USP40: variants seen among roughly 807,000 people sequenced by gnomAD.
USP40 encodes the protein ubiquitin carboxyl-terminal hydrolase 40.
In USP40, 143 loss-of-function variants were observed where a neutral mutation model predicts 166.2. The observed-to-expected ratio is 0.86, with a 90% CI of 0.75 to 0.99. The LOEUF (loss-of-function observed/expected upper bound fraction) is 0.99. Among genes scored for constraint, USP40 ranks in the 50% least tolerant of loss-of-function variants. USP40 has a pLI of 0.00. For missense variants in USP40, 1,444 were observed against 1,479.7 expected, an observed-to-expected ratio of 0.98 and a Z score of 0.40; for synonymous variants, 498 against 524.0, an observed-to-expected ratio of 0.95 and a Z score of 0.68.
intron 20 of USP40, among the ~76,000 whole-genome samples, chr2:233,511,284 T>A (rs1046838155): frequency 6.2e-4 from 94 of 152,178 alleles, no homozygotes; most frequent in African/African-American, 2.2e-3. Flanking sequence ...ATTAATAAAC[T>A]GTGTTTCATT....
intron 21 of USP40, 48 bp from the exon 22 acceptor site, chr2:233,499,963 C>T (rs1442317453): frequency 1.3e-6 from 2 of 1,573,016 alleles, no homozygotes; most frequent in South Asian, 2.3e-5. Context: ...TTCTGAGTTA[C>T]AGTTCTAGGA....
At chr2:233,566,597 G>T in intron 1 of USP40, 87 bp downstream of exon 1, 1 of 791,616 alleles carries the variant, frequency 1.3e-6, no homozygotes, top group Non-Finnish European at 1.5e-6. Context: ...GCAGCCTCTC[G>T]CCTCGCCCTC....
intron 4 of USP40, among the ~76,000 whole-genome samples, chr2:233,557,456 A>G (rs1465330566): frequency 6.6e-6 from 1 of 152,274 alleles, no homozygotes; most frequent in Non-Finnish European, 1.5e-5. Flanking sequence ...ACTGCTTTGA[A>G]GTAAAAACAA....
rs1156287403 is a variant in USP40 at position 233,476,740 on chromosome 2, C to T, written c.*652G>A. The stretch of plus-strand genomic sequence containing the variant: ...GGCTGACGTGCAGCGGCTGCCCTTG[C>T]TTAGCAGAGCGACTCACCCTCGGAG... On this transcript the variant is annotated 3_prime_UTR_variant, in exon 32 of 32. Coordinates refer to ENST00000678225, the MANE Select transcript of USP40 (RefSeq NM_001365479.2). 2 of 157,372 alleles carry T rather than the reference C, an allele frequency of 1.3e-5. No homozygotes were observed. The highest frequency in any genetic ancestry group is 2.8e-5 in the Non-Finnish European group (2 of 70,870). The allele number at this position is 157,372 out of a possible 1,614,324, so 9.7% of individuals were successfully genotyped here. A position where few individuals can be genotyped will look rare whatever the true frequency, so the allele number is the denominator to read the frequency against.
At chr2:233,513,516 C>T (rs182135497) in intron 18 of USP40, among the ~76,000 whole-genome samples, 1 of 152,140 alleles carries the variant, frequency 6.6e-6, no homozygotes, top group Admixed American at 6.5e-5. Flanking sequence ...GAATTGTGCC[C>T]TGAAGAGCTG....
chr2:233,512,530 A>G (rs779735225), intron 19 of USP40, 39 bp downstream of exon 19: 1 of 1,460,720 alleles, frequency 6.8e-7, no homozygotes, highest in Admixed American at 2.2e-5. Context: ...AAGACAGACG[A>G]GTATAAGCCA....
At chr2:233,554,753 G>T (rs954366788) in intron 5 of USP40, among the ~76,000 whole-genome samples, 1 of 152,046 alleles carries the variant, frequency 6.6e-6, no homozygotes, top group Admixed American at 6.6e-5. Context: ...TATAAGAAAA[G>T]TTTATGAATT....
chr2:233,477,604 A>G, intron 31 of USP40, 101 bp from the exon 32 acceptor site: 3 of 995,530 alleles, frequency 3.0e-6, no homozygotes, highest in Non-Finnish European at 4.5e-6. Flanking sequence ...TATAGGCCAC[A>G]AGGACGTGCA....
At chr2:233,520,100 C>T (rs1256965435) in intron 17 of USP40, among the ~76,000 whole-genome samples, 1 of 152,056 alleles carries the variant, frequency 6.6e-6, no homozygotes, top group Non-Finnish European at 1.5e-5. Flanking sequence ...ACTATCAGCC[C>T]GAGTGCACTA....
intron 31 of USP40, among the ~76,000 whole-genome samples, chr2:233,479,530 T>C (rs190285805): frequency 4.7e-4 from 70 of 149,062 alleles, no homozygotes; most frequent in East Asian, 2.5e-3. Flanking sequence ...GCCACTGCAC[T>C]CCAGCCTGGC....
intron 5 of USP40, among the ~76,000 whole-genome samples, chr2:233,555,636 CTTT>C (rs1232616788): frequency 2.3e-5 from 3 of 129,022 alleles, no homozygotes; most frequent in Admixed American, 7.8e-5. Context: ...AAAAATCACT[CTTT>C]TTTTTTTTTT....
intron 25 of USP40, chr2:233,492,750 A>G (rs2065431233): frequency 2.0e-5 from 3 of 152,252 alleles, no homozygotes; most frequent in Admixed American, 2.0e-4. Context: ...GAAAAACTAA[A>G]TAAGTAAAGC....
chr2:233,508,914 T>C (rs2066611742), intron 21 of USP40, among the ~76,000 whole-genome samples: 1 of 152,230 alleles, frequency 6.6e-6, no homozygotes, highest in African/African-American at 2.4e-5. Context: ...CAAGTTCAAA[T>C]TGTCTCATCT....
chr2:233,492,798 A>G (rs1233465216), intron 25 of USP40: 2 of 152,270 alleles, frequency 1.3e-5, no homozygotes, highest in African/African-American at 2.4e-5. Flanking sequence ...AGTTGGGCCT[A>G]TTAAAAATAT....
intron 4 of USP40, among the ~76,000 whole-genome samples, chr2:233,559,083 T>C (rs2071351148): frequency 1.3e-5 from 2 of 152,212 alleles, no homozygotes; most frequent in South Asian, 4.1e-4. Context: ...ATCTATTCCA[T>C]ATAAAAATGG....
At chr2:233,481,333 G>A (rs1383100848) in intron 30 of USP40, 36 bp from the exon 31 acceptor site, 1 of 1,544,012 alleles carries the variant, frequency 6.5e-7, no homozygotes, top group Admixed American at 1.9e-5. Flanking sequence ...AGTGTTTTCT[G>A]ACATCTTTTT....
chr2:233,541,792 G>A (rs1369902945), intron 9 of USP40, among the ~76,000 whole-genome samples: 1 of 152,122 alleles, frequency 6.6e-6, no homozygotes, highest in African/African-American at 2.4e-5. Flanking sequence ...AATGAAAAAG[G>A]GGACACACTT....
At chr2:233,517,837 CCACT>C (rs1281442549) in intron 18 of USP40, among the ~76,000 whole-genome samples, 85 of 145,540 alleles carry the variant, frequency 5.8e-4, no homozygotes, top group East Asian at 4.2e-4. Context: ...TGATGGAATA[CCACT>C]CAGCCATAAA....
intron 13 of USP40, 130 bp downstream of exon 13, chr2:233,527,277 G>A: frequency 9.7e-7 from 1 of 1,035,348 alleles, no homozygotes; most frequent in Non-Finnish European, 1.3e-6. Context: ...AACCCTCTAT[G>A]AAGTGGCAGA....
Sources: gnomAD v4.1 joint callset for allele counts (sites outside exome capture counted in the v4.1 genomes callset) on GRCh38, gnomAD v4.1.1 for gene constraint, MANE v1.5 for transcripts, NCBI Gene and HGNC (gene_info 2026-07-23, HGNC 2026-07-21) for gene names.